The following ZNF469 variants were observed in gnomAD, a reference collection of about 807,000 sequenced individuals.
ZNF469 encodes the protein zinc finger protein 469.
ZNF469 carries 1 observed loss-of-function variant against 1.0 expected under a neutral mutation model. The observed-to-expected ratio is 1.00, with a 90% CI of 0.35 to 4.73. The LOEUF (loss-of-function observed/expected upper bound fraction) is 4.73, where lower values mean the gene tolerates loss of function less well. Ranked by LOEUF, ZNF469 falls within the 30% of genes most tolerant of loss-of-function variation. The pLI is 0.16. For synonymous variants in ZNF469, 2,703 were observed against 2,363.4 expected (o/e 1.14, Z -4.17); for missense variants, 6,100 against 5,356.3 (o/e 1.14, Z -4.33).
At chr16:88,392,267 G>A (rs947194857) in intron 1 of ZNF469, among the ~76,000 whole-genome samples, 4 of 152,264 alleles carry the variant, frequency 2.6e-5, no homozygotes, top group East Asian at 1.9e-4. Flanking sequence ...CAAACGCTCC[G>A]TGGCCACGTA....
the ZNF469 span, among the ~76,000 whole-genome samples, chr16:88,128,901 C>T: frequency 3.9e-5 from 6 of 152,320 alleles, no homozygotes; most frequent in South Asian, 2.1e-4. Flanking sequence ...CAGCATCTGC[C>T]GCTGCTGAGA....
chr16:88,360,658 C>T, the ZNF469 span, among the ~76,000 whole-genome samples: 5 of 124,678 alleles, frequency 4.0e-5, no homozygotes, highest in Admixed American at 1.6e-4. Flanking sequence ...CCGCGTGCTC[C>T]CTCAAAGGCA....
chr16:88,166,338 CTG>C, the ZNF469 span, among the ~76,000 whole-genome samples: 37 of 152,252 alleles, frequency 2.4e-4, no homozygotes, highest in East Asian at 6.4e-3. This position sits in a 1 kb window ranked among gnomAD's most constrained non-coding sequence, Gnocchi z 4.5. Context: ...CAGAAAACAA[CTG>C]TGGACGCAAG....
chr16:88,285,646 G>A, the ZNF469 span, among the ~76,000 whole-genome samples: 5 of 152,252 alleles, frequency 3.3e-5, no homozygotes, highest in Non-Finnish European at 7.3e-5. Context: ...TTTCAGACAC[G>A]CTGGAAGCGT....
At chr16:88,395,763 C>T (rs1205831933) in intron 1 of ZNF469, among the ~76,000 whole-genome samples, 1 of 152,240 alleles carries the variant, frequency 6.6e-6, no homozygotes, top group Non-Finnish European at 1.5e-5. Context: ...TCACTCTATG[C>T]TGGGCCATTC....
At chr16:88,206,727 G>T in the ZNF469 span, among the ~76,000 whole-genome samples, 8 of 150,800 alleles carry the variant, frequency 5.3e-5, no homozygotes, top group African/African-American at 2.0e-4. Flanking sequence ...TTTGTAGGTT[G>T]CCCCTCTGCC....
chr16:88,215,191 G>A, the ZNF469 span, among the ~76,000 whole-genome samples: 1 of 151,918 alleles, frequency 6.6e-6, no homozygotes, highest in African/African-American at 2.4e-5. Flanking sequence ...TAGTCTATTT[G>A]CCTTTAATGT....
the ZNF469 span, among the ~76,000 whole-genome samples, chr16:88,367,844 T>A: frequency 6.6e-6 from 1 of 151,956 alleles, no homozygotes; most frequent in African/African-American, 2.4e-5. Flanking sequence ...GACATATTTA[T>A]CAAAAAACAA....
the ZNF469 span, among the ~76,000 whole-genome samples, chr16:88,271,564 G>A: frequency 7.1e-6 from 1 of 140,600 alleles, no homozygotes. Context: ...GCTCCCAACA[G>A]GGTCTGAGAC....
At chr16:88,423,020 G>A (rs1237608552) in intron 1 of ZNF469, among the ~76,000 whole-genome samples, 1 of 151,326 alleles carries the variant, frequency 6.6e-6, no homozygotes, top group African/African-American at 2.4e-5. Flanking sequence ...TGAGTGGGTG[G>A]GTATCTGGAT....
At chr16:88,139,405 G>A in the ZNF469 span, among the ~76,000 whole-genome samples, 4 of 151,262 alleles carry the variant, frequency 2.6e-5, no homozygotes, top group African/African-American at 9.7e-5. Flanking sequence ...CTTGGCCTGG[G>A]GACGTGATGA....
chr16:88,252,243 A>G, the ZNF469 span, among the ~76,000 whole-genome samples: 53 of 144,132 alleles, frequency 3.7e-4, 3 homozygotes, highest in Admixed American at 8.5e-4. Context: ...CTGCATATGC[A>G]CAGTCTAATT....
At chr16:88,386,958 G>A (rs1006369573) in intron 1 of ZNF469, among the ~76,000 whole-genome samples, 16 of 152,220 alleles carry the variant, frequency 1.1e-4, no homozygotes, top group Non-Finnish European at 2.4e-4. Flanking sequence ...GGGACTGGCT[G>A]CAATCGTATA....
chr16:88,328,618 C>T, the ZNF469 span, among the ~76,000 whole-genome samples: 1 of 152,222 alleles, frequency 6.6e-6, no homozygotes, highest in African/African-American at 2.4e-5. Flanking sequence ...GCACTGATCT[C>T]CTCCATCCCT....
chr16:88,349,859 A>G, the ZNF469 span, among the ~76,000 whole-genome samples: 3 of 149,202 alleles, frequency 2.0e-5, no homozygotes, highest in African/African-American at 7.4e-5. Flanking sequence ...ACAAGTGCAC[A>G]CACACCATGC....
the ZNF469 span, among the ~76,000 whole-genome samples, chr16:88,241,501 G>A: frequency 6.6e-6 from 1 of 152,160 alleles, no homozygotes. The surrounding 1 kb of genome is among the most constrained non-coding windows in gnomAD (Gnocchi z 4.8). Flanking sequence ...GTGGGCTCAG[G>A]TGTCACCAGG....
At chr16:88,315,123 T>TA in the ZNF469 span, among the ~76,000 whole-genome samples, 4 of 152,240 alleles carry the variant, frequency 2.6e-5, no homozygotes, top group Non-Finnish European at 5.9e-5. Flanking sequence ...TCTCTGACCC[T>TA]AGATTATATT....
the ZNF469 span, among the ~76,000 whole-genome samples, chr16:88,112,772 C>CTTTTTTTTTTTTTTTTTTTTTTTTTTT: frequency 1.4e-5 from 1 of 73,468 alleles, no homozygotes; most frequent in African/African-American, 6.0e-5. Context: ...TGTGCAGAAG[C>CTTTTTTTTTTTTTTTTTTTTTTTTTTT]TTTTTTTTTT....
At chr16:88,255,008 T>G in the ZNF469 span, among the ~76,000 whole-genome samples, 1 of 152,230 alleles carries the variant, frequency 6.6e-6, no homozygotes, top group Non-Finnish European at 1.5e-5. Flanking sequence ...TTTGACATTT[T>G]CAGTGTAAAA....
Sources: gnomAD v4.1 joint callset for allele counts (sites outside exome capture counted in the v4.1 genomes callset) on GRCh38, gnomAD v4.1.1 for gene constraint, Gnocchi (gnomAD v3.1) non-coding constraint, MANE v1.5 for transcripts, NCBI Gene and HGNC (gene_info 2026-07-23, HGNC 2026-07-21) for gene names.